CDH13: variants seen among roughly 807,000 people sequenced by gnomAD.
CDH13 encodes the protein cadherin 13.
A neutral mutation model predicts 63.8 loss-of-function variants in CDH13; 24 were observed. The ratio of observed to expected loss-of-function variants is 0.38; its 90% CI spans 0.27 to 0.53. The LOEUF (loss-of-function observed/expected upper bound fraction) is 0.53. Ranked by LOEUF, CDH13 falls within the 20% of genes least tolerant of loss-of-function variation. CDH13 has a pLI of 0.85. For missense variants in CDH13, 1,049 were observed against 903.1 expected, an observed-to-expected ratio of 1.16 and a Z score of -2.07; for synonymous variants, 503 against 355.3, an observed-to-expected ratio of 1.42 and a Z score of -4.67.
chr16:83,565,584 C>T (rs1208902576), intron 7 of CDH13, among the ~76,000 whole-genome samples: 2 of 152,034 alleles, frequency 1.3e-5, no homozygotes, highest in Non-Finnish European at 2.9e-5. Context: ...AACATCTGAG[C>T]AATGCGATCT....
chr16:83,220,694 T>C (rs1271587767), intron 5 of CDH13, among the ~76,000 whole-genome samples: 1 of 149,290 alleles, frequency 6.7e-6, no homozygotes, highest in Admixed American at 6.6e-5. Flanking sequence ...GGAGAGAGCC[T>C]GCAGGTGAAT....
chr16:83,447,053 TAAAAAAAA>T (rs56692922), intron 6 of CDH13, among the ~76,000 whole-genome samples: 1 of 64,286 alleles, frequency 1.6e-5, no homozygotes, highest in African/African-American at 4.9e-5. Flanking sequence ...TCACCCGTCT[TAAAAAAAA>T]AAAAAAAAAA....
intron 7 of CDH13, among the ~76,000 whole-genome samples, chr16:83,578,781 A>G (rs1372654615): frequency 6.6e-6 from 1 of 152,236 alleles, no homozygotes; most frequent in East Asian, 1.9e-4. Context: ...ATACAGTAAT[A>G]TTAATAACTG....
At chr16:82,665,112 G>C (rs987985368) in intron 1 of CDH13, among the ~76,000 whole-genome samples, 16 of 152,142 alleles carry the variant, frequency 1.1e-4, no homozygotes, top group Admixed American at 3.3e-4. Flanking sequence ...AGGTGAGACT[G>C]CCTTCTTGTT....
chr16:83,565,976 A>G (rs1010816755), intron 7 of CDH13, among the ~76,000 whole-genome samples: 5 of 152,030 alleles, frequency 3.3e-5, no homozygotes, highest in African/African-American at 1.2e-4. Context: ...TAGCGTTTGC[A>G]CTCCATTGCA....
At chr16:83,700,600 T>G (rs2150907258) in intron 10 of CDH13, among the ~76,000 whole-genome samples, 1 of 152,316 alleles carries the variant, frequency 6.6e-6, no homozygotes, top group Middle Eastern at 3.4e-3. Context: ...TACATATATT[T>G]CTTTTGTTTA....
Position 83,692,558 on chromosome 16 carries a change from G to T in CDH13, c.1538+14097G>T, listed in dbSNP as rs185798849. On this transcript the variant is annotated intron_variant, in intron 10 of 13. Coordinates refer to ENST00000567109, the MANE Select transcript of CDH13 (RefSeq NM_001257.5). ...CCACTTCCCTGTGCATTCTATTCCTGTGATTGCCTTAAGGAGAACAAGGAT... is the reference window on the plus strand; with the variant it reads ...CCACTTCCCTGTGCATTCTATTCCTTTGATTGCCTTAAGGAGAACAAGGAT... Among the ~76,000 whole-genome samples, 7 of 152,272 alleles carry T rather than the reference G, an allele frequency of 4.6e-5. No individual in the cohort carries two copies. In the East Asian group the frequency reaches 1.3e-3, roughly 29 times the overall value.
chr16:82,904,737 C>T (rs1432758534), intron 2 of CDH13, among the ~76,000 whole-genome samples: 4 of 152,140 alleles, frequency 2.6e-5, no homozygotes, highest in South Asian at 4.1e-4. Flanking sequence ...GCAGGTTTAA[C>T]GGGTGGTCAG....
intron 3 of CDH13, among the ~76,000 whole-genome samples, chr16:83,104,771 C>A (rs1198547815): frequency 6.6e-6 from 1 of 152,136 alleles, no homozygotes; most frequent in African/African-American, 2.4e-5. Flanking sequence ...GTGTGGGAGA[C>A]AGCTTTCTAA....
At chr16:83,155,110 T>C (rs7186426) in intron 4 of CDH13, among the ~76,000 whole-genome samples, 39,581 of 152,152 alleles carry the variant, frequency 0.26, 5,691 homozygotes, top group African/African-American at 0.39. Flanking sequence ...TCATTTACTA[T>C]TAGAGAATGT....
At chr16:82,658,985 G>T (rs913222797) in intron 1 of CDH13, among the ~76,000 whole-genome samples, 1 of 152,158 alleles carries the variant, frequency 6.6e-6, no homozygotes, top group Non-Finnish European at 1.5e-5. Flanking sequence ...TCTATGTCTT[G>T]TGCTGACTCT....
In CDH13 at chr16:83,741,480, G is replaced by T. The variant is rs1054987647; in HGVS notation, c.1539-6628G>T. On this transcript the variant is annotated intron_variant, in intron 10 of 13. Coordinates refer to ENST00000567109, the MANE Select transcript of CDH13 (RefSeq NM_001257.5). ...GTCTTTCCTATCCTACTATATATAT[G>T]TGTGTGTGTATATATATATATGTGT... Among the ~76,000 whole-genome samples the T allele has an allele frequency of 5.1e-4, 16 of 31,318 alleles. No homozygotes were observed. In the South Asian group the frequency reaches 0.019, roughly 37 times the overall value. The allele number at this position is 31,318 out of a possible 152,430, so 20.5% of individuals were successfully genotyped here. A position where few individuals can be genotyped will look rare whatever the true frequency, so the allele number is the denominator to read the frequency against.
intron 5 of CDH13, among the ~76,000 whole-genome samples, chr16:83,254,454 C>A (rs1905964846): frequency 6.6e-6 from 1 of 152,106 alleles, no homozygotes; most frequent in South Asian, 2.1e-4. Context: ...TATTCACTGG[C>A]CATATTTCTC....
intron 6 of CDH13, among the ~76,000 whole-genome samples, chr16:83,350,466 ACAAG>A (rs2090929905): frequency 6.6e-6 from 1 of 152,228 alleles, no homozygotes; most frequent in Non-Finnish European, 1.5e-5. Context: ...GCTGTTGAAG[ACAAG>A]CAGAGATTAG....
intron 3 of CDH13, among the ~76,000 whole-genome samples, chr16:83,075,639 T>A (rs1399785934): frequency 1.3e-5 from 2 of 152,224 alleles, no homozygotes; most frequent in East Asian, 3.9e-4. Context: ...GCACTGTATC[T>A]GTACTGAGTT....
intron 6 of CDH13, among the ~76,000 whole-genome samples, chr16:83,402,760 T>C (rs770388230): frequency 2.0e-5 from 3 of 152,242 alleles, no homozygotes; most frequent in Non-Finnish European, 2.9e-5. Context: ...ATCAGTGTCA[T>C]TATTAGTATG....
intron 11 of CDH13, among the ~76,000 whole-genome samples, chr16:83,749,017 T>C (rs735674): frequency 0.061 from 9,211 of 152,176 alleles, 399 homozygotes; most frequent in East Asian, 0.13. Flanking sequence ...CTATATACTT[T>C]GAATGCAGAG....
chr16:82,906,115 G>C (rs1217856720), intron 2 of CDH13, among the ~76,000 whole-genome samples: 1 of 152,104 alleles, frequency 6.6e-6, no homozygotes, highest in Non-Finnish European at 1.5e-5. Flanking sequence ...TCTCTCTAGA[G>C]ATCTTCTCCA....
At chr16:82,789,759 G>A (rs1383044901) in intron 1 of CDH13, among the ~76,000 whole-genome samples, 1 of 152,120 alleles carries the variant, frequency 6.6e-6, no homozygotes, top group Non-Finnish European at 1.5e-5. Context: ...ATTTCTTCTT[G>A]CTCCAAGAGT....
Sources: allele counts gnomAD v4.1 joint callset (sites outside exome capture counted in the v4.1 genomes callset), GRCh38; gene constraint gnomAD v4.1.1; transcripts MANE v1.5; gene names NCBI Gene and HGNC (gene_info 2026-07-23, HGNC 2026-07-21).